The following CNTNAP2 variants were observed in gnomAD, a reference collection of about 807,000 sequenced individuals.
CNTNAP2 encodes contactin associated protein 2, also known as contactin-associated protein-like 2.
Under a neutral mutation model 155.2 loss-of-function variants are expected in CNTNAP2, and 98 were observed. The ratio of observed to expected loss-of-function variants is 0.63; its 90% CI spans 0.54 to 0.75. CNTNAP2 has a LOEUF of 0.75. Among genes scored for constraint, CNTNAP2 ranks in the 30% least tolerant of loss-of-function variants. The pLI, the probability that CNTNAP2 is intolerant of heterozygous loss-of-function variation, is 0.00. For missense variants in CNTNAP2, 1,727 were observed against 1,688.1 expected (o/e 1.02, Z -0.40); for synonymous variants, 651 against 631.2 (o/e 1.03, Z -0.47).
intron 4 of CNTNAP2, among the ~76,000 whole-genome samples, chr7:147,077,020 C>T (rs1800013643): frequency 6.6e-6 from 1 of 152,236 alleles, no homozygotes; most frequent in African/African-American, 2.4e-5. Context: ...TTTCCTCCCA[C>T]AGATACTATG....
chr7:147,389,051 T>C (rs1356378337), intron 9 of CNTNAP2, among the ~76,000 whole-genome samples: 2 of 152,178 alleles, frequency 1.3e-5, no homozygotes, highest in African/African-American at 4.8e-5. Context: ...CTAGACTCTC[T>C]TCCCCTGGAC....
chr7:147,521,915 T>A (rs1293379326), intron 11 of CNTNAP2, among the ~76,000 whole-genome samples: 2 of 152,226 alleles, frequency 1.3e-5, no homozygotes, highest in African/African-American at 2.4e-5. Context: ...AAATACCATC[T>A]GTTAGTCTGT....
At chr7:147,558,836 G>T (rs1184909061) in intron 11 of CNTNAP2, among the ~76,000 whole-genome samples, 1 of 151,948 alleles carries the variant, frequency 6.6e-6, no homozygotes, top group African/African-American at 2.4e-5. Flanking sequence ...TTCGCCTCCT[G>T]GGTTCAAGCG....
intron 5 of CNTNAP2, among the ~76,000 whole-genome samples, chr7:147,118,111 A>G (rs1416776804): frequency 1.3e-5 from 2 of 152,160 alleles, no homozygotes; most frequent in African/African-American, 4.8e-5. Context: ...AATATTATAT[A>G]AACACCCAAT....
intron 1 of CNTNAP2, among the ~76,000 whole-genome samples, chr7:146,544,187 T>C (rs1367694244): frequency 5.9e-5 from 9 of 152,010 alleles, no homozygotes; most frequent in African/African-American, 2.2e-4. Context: ...CTCACTTTTC[T>C]TCTGTAATCA....
intron 1 of CNTNAP2, among the ~76,000 whole-genome samples, chr7:146,689,696 C>A (rs545518105): frequency 4.6e-5 from 7 of 152,092 alleles, no homozygotes; most frequent in Admixed American, 2.0e-4. Context: ...ATTATTAAAG[C>A]AATCTGATAA....
intron 8 of CNTNAP2, among the ~76,000 whole-genome samples, chr7:147,168,020 G>T (rs919037157): frequency 1.3e-5 from 2 of 148,224 alleles, no homozygotes; most frequent in Non-Finnish European, 3.0e-5. Flanking sequence ...ATACATATAT[G>T]TATATGTGTG....
intron 8 of CNTNAP2, among the ~76,000 whole-genome samples, chr7:147,155,775 G>A (rs1253913091): frequency 1.3e-5 from 2 of 152,106 alleles, no homozygotes; most frequent in South Asian, 2.1e-4. Flanking sequence ...CTATGTAGTA[G>A]TAGTATATAT....
chr7:148,087,603 A>G (rs1157902244), intron 15 of CNTNAP2, among the ~76,000 whole-genome samples: 1 of 152,052 alleles, frequency 6.6e-6, no homozygotes, highest in Non-Finnish European at 1.5e-5. Context: ...TTGATTTTTT[A>G]GTGTTTTAGT....
At chr7:147,128,928 T>G in intron 7 of CNTNAP2, 92 bp downstream of exon 7, 1 of 1,524,542 alleles carries the variant, frequency 6.6e-7, no homozygotes, top group South Asian at 1.1e-5. Flanking sequence ...AATCATGACA[T>G]TTTTCATCAT....
intron 8 of CNTNAP2, among the ~76,000 whole-genome samples, chr7:147,263,387 A>AC (rs1156460492): frequency 2.0e-5 from 3 of 151,210 alleles, no homozygotes; most frequent in African/African-American, 7.3e-5. Flanking sequence ...TAAAAAAAAA[A>AC]AGTCACTTCT....
chr7:148,328,741 G>T (rs925958125), intron 21 of CNTNAP2, among the ~76,000 whole-genome samples: 1 of 150,572 alleles, frequency 6.6e-6, no homozygotes, highest in South Asian at 2.1e-4. Flanking sequence ...AGGCCGAGGC[G>T]GGTGGATCAC....
At position 147,592,982 on chromosome 7, in the gene CNTNAP2, G is replaced by A. The variant is rs1487595785; in HGVS notation, c.1897+30725G>A. On this transcript the variant is annotated intron_variant, in intron 12 of 23. Transcript: ENST00000361727. ...GCTGCAGGATGCGAGGCAAAGACTT[G>A]AAAAACAAGATTAAACCTTACTCAA... Among the ~76,000 whole-genome samples, 5 of 152,274 alleles carry A rather than the reference G, an allele frequency of 3.3e-5. No individual in the cohort carries two copies. The East Asian group carries it at 9.7e-4, about 29-fold the overall frequency.
chr7:146,243,967 A>G (rs893431690), intron 1 of CNTNAP2, among the ~76,000 whole-genome samples: 1 of 152,144 alleles, frequency 6.6e-6, no homozygotes, highest in African/African-American at 2.4e-5. Context: ...GTGGGAACCT[A>G]GAGTGGGAGA....
chr7:146,920,837 A>G (rs913026994), intron 3 of CNTNAP2, among the ~76,000 whole-genome samples: 1 of 152,116 alleles, frequency 6.6e-6, no homozygotes, highest in African/African-American at 2.4e-5. Flanking sequence ...CCTTTTTTCT[A>G]ATTTTGCATA....
At chr7:147,727,574 A>G (rs1796665145) in intron 13 of CNTNAP2, among the ~76,000 whole-genome samples, 1 of 151,964 alleles carries the variant, frequency 6.6e-6, no homozygotes, top group Non-Finnish European at 1.5e-5. Context: ...TAAGTACTTT[A>G]TATATCCCAT....
intron 8 of CNTNAP2, among the ~76,000 whole-genome samples, chr7:147,175,262 C>CTT (rs56744213): frequency 0.34 from 52,205 of 151,610 alleles, 9,698 homozygotes; most frequent in African/African-American, 0.48. Flanking sequence ...CCCTTCTGCT[C>CTT]TTTTTTTGTA....
At chr7:147,636,257 G>A (rs1002777598) in intron 12 of CNTNAP2, among the ~76,000 whole-genome samples, 12 of 152,114 alleles carry the variant, frequency 7.9e-5, no homozygotes, top group Admixed American at 7.2e-4. Flanking sequence ...AAACTGGAAA[G>A]TGCTCTAGCA....
intron 18 of CNTNAP2, among the ~76,000 whole-genome samples, chr7:148,179,579 G>C (rs1056712206): frequency 6.7e-6 from 1 of 149,154 alleles, no homozygotes; most frequent in African/African-American, 2.5e-5. Flanking sequence ...GAGAGGCGGG[G>C]TGCGGGGGAG....
Sources: gnomAD v4.1 joint callset for allele counts (sites outside exome capture counted in the v4.1 genomes callset) on GRCh38, gnomAD v4.1.1 for gene constraint, MANE v1.5 for transcripts, NCBI Gene and HGNC (gene_info 2026-07-23, HGNC 2026-07-21) for gene names.